PPP1R12B: variants seen among roughly 807,000 people sequenced by gnomAD.
PPP1R12B encodes the protein protein phosphatase 1 regulatory subunit 12B.
PPP1R12B carries 76 observed loss-of-function variants against 126.1 expected under a neutral mutation model. That is an observed-to-expected ratio of 0.60 (90% CI 0.50 to 0.73). The LOEUF is 0.73. PPP1R12B is among the 30% of genes least tolerant of loss of function. PPP1R12B has a pLI of 0.00. For synonymous variants in PPP1R12B, 356 were observed against 434.7 expected, an observed-to-expected ratio of 0.82 and a Z score of 2.25; for missense variants, 1,052 against 1,205.1, an observed-to-expected ratio of 0.87 and a Z score of 1.88.
At chr1:202,362,102 C>T (rs1163615653) in intron 1 of PPP1R12B, among the ~76,000 whole-genome samples, 1 of 151,158 alleles carries the variant, frequency 6.6e-6, no homozygotes, top group Non-Finnish European at 1.5e-5. Context: ...AACATTTTTG[C>T]CAGGTTTCTT....
At chr1:202,383,942 T>A (rs928204439) in intron 1 of PPP1R12B, among the ~76,000 whole-genome samples, 2 of 152,230 alleles carry the variant, frequency 1.3e-5, no homozygotes, top group African/African-American at 4.8e-5. Flanking sequence ...GCTTGTTTGC[T>A]TTTCTTTTGT....
chr1:202,522,853 A>T (rs1207012558), intron 18 of PPP1R12B, among the ~76,000 whole-genome samples: 1 of 152,222 alleles, frequency 6.6e-6, no homozygotes, highest in Admixed American at 6.5e-5. Flanking sequence ...ACAATCCATG[A>T]AGATGATATA....
At position 202,586,593 on chromosome 1, in the gene PPP1R12B, G is replaced by A. The variant is rs919428143; in HGVS notation, c.*6033G>A. On this transcript the variant is annotated 3_prime_UTR_variant, in exon 24 of 24. Transcript: ENST00000608999. Reference sequence around the variant, plus strand: ...AATAGATCAACTTCATTGTAGTCCAGGAACTGTTGGTCACAGCTACTAGGA... The same window carrying A: ...AATAGATCAACTTCATTGTAGTCCAAGAACTGTTGGTCACAGCTACTAGGA... 2 of 152,204 alleles carry A rather than the reference G, an allele frequency of 1.3e-5. No homozygotes were observed. The highest frequency in any genetic ancestry group is 2.9e-5 in the Non-Finnish European group (2 of 68,030). 9.4% of individuals were successfully genotyped at this position (152,204 alleles called of 1,614,324 possible).
At chr1:202,545,656 A>C (rs1484973368) in intron 18 of PPP1R12B, among the ~76,000 whole-genome samples, 1 of 152,238 alleles carries the variant, frequency 6.6e-6, no homozygotes, top group Non-Finnish European at 1.5e-5. Context: ...GGAGATAAAG[A>C]AAATCAAGAA....
intron 10 of PPP1R12B, chr1:202,439,343 C>A: frequency 1.4e-6 from 2 of 1,382,816 alleles, no homozygotes; most frequent in Non-Finnish European, 2.1e-6. Context: ...TGGAACCTTC[C>A]AACAAGACGA....
At chr1:202,382,310 T>TA (rs1662430842) in intron 1 of PPP1R12B, among the ~76,000 whole-genome samples, 1 of 149,472 alleles carries the variant, frequency 6.7e-6, no homozygotes, top group African/African-American at 2.5e-5. Context: ...CATTAGGAGA[T>TA]ATACCTAATG....
At chr1:202,375,825 A>G (rs79521671) in intron 1 of PPP1R12B, among the ~76,000 whole-genome samples, 17,605 of 152,270 alleles carry the variant, frequency 0.12, 1,256 homozygotes, top group Middle Eastern at 0.17. Context: ...AAATGCTGGC[A>G]TGAGCCATGG....
At chr1:202,410,391 A>G (rs997814106) in intron 1 of PPP1R12B, among the ~76,000 whole-genome samples, 1 of 152,260 alleles carries the variant, frequency 6.6e-6, no homozygotes, top group African/African-American at 2.4e-5. Context: ...ACATATGCCC[A>G]GACACCTGGA....
At chr1:202,483,720 C>T (rs1486811777) in intron 13 of PPP1R12B, among the ~76,000 whole-genome samples, 1 of 152,212 alleles carries the variant, frequency 6.6e-6, no homozygotes, top group Non-Finnish European at 1.5e-5. Flanking sequence ...CTACATTTAA[C>T]ACCTACTGTT....
Position 202,439,642 on chromosome 1 carries a change from T to C in PPP1R12B, c.1459-1064T>C, listed in dbSNP as rs201762850. ...TGCTCCATAACTCCCCCAGGCTCCC[T>C]GTCCACTGCCCTTCCTGGTCCGGCC... is the stretch of plus-strand genomic sequence containing the variant. On this transcript the variant is annotated intron_variant, in intron 10 of 23. Transcript: ENST00000608999. 6.1e-4 allele frequency: 474 copies of C among 778,792 alleles called. 3 individuals are homozygous for C. In the East Asian group the frequency reaches 8.2e-3, roughly 13 times the overall value. 48.2% of individuals were successfully genotyped at this position (778,792 alleles called of 1,614,324 possible).
chr1:202,577,618 G>A (rs1689209051), intron 23 of PPP1R12B, among the ~76,000 whole-genome samples: 1 of 150,634 alleles, frequency 6.6e-6, no homozygotes, highest in Non-Finnish European at 1.5e-5. Flanking sequence ...ATCTCAGCAT[G>A]TAGAGCAAAC....
At position 202,564,447 on chromosome 1, in the gene PPP1R12B, A is replaced by G. The variant is rs765429736; in HGVS notation, c.2657A>G (p.Tyr886Cys). ...EDSNRDYKKL[Y>C]ESALTENQKL... ...TCTTTTTTCCCTCTCCTCTAGCTCTATGAGAGTGCTCTGACTGAAAACCAA... is the reference window on the plus strand; with the variant it reads ...TCTTTTTTCCCTCTCCTCTAGCTCTGTGAGAGTGCTCTGACTGAAAACCAA... The change falls in exon 21 of 24, where the codon TAT (tyrosine) becomes TGT (cysteine). Residue 886 changes from tyrosine to cysteine, a missense_variant. Coordinates refer to ENST00000608999, the MANE Select transcript of PPP1R12B (RefSeq NM_002481.4). 10 of 1,606,222 alleles carry G rather than the reference A, an allele frequency of 6.2e-6. No individual in the cohort carries two copies. The highest frequency in any genetic ancestry group is 5.5e-5 in the South Asian group (5 of 90,870).
chr1:202,439,531 G>T (rs1039037377), intron 10 of PPP1R12B: 1 of 1,528,378 alleles, frequency 6.5e-7, no homozygotes, highest in Non-Finnish European at 8.9e-7. Flanking sequence ...GCCTTGGGGG[G>T]TGTGGCGCTC....
At chr1:202,460,520 G>C (rs1674178244) in intron 13 of PPP1R12B, among the ~76,000 whole-genome samples, 1 of 150,966 alleles carries the variant, frequency 6.6e-6, no homozygotes, top group South Asian at 2.2e-4. Context: ...ACTGGCAGTT[G>C]TCAATTCAAA....
intron 13 of PPP1R12B, among the ~76,000 whole-genome samples, chr1:202,450,038 A>G (rs1271372955): frequency 6.6e-6 from 1 of 152,200 alleles, no homozygotes; most frequent in Admixed American, 6.5e-5. Context: ...GATAGAGACA[A>G]TTGTTAGGCA....
At chr1:202,569,463 A>C (rs557034601) in intron 23 of PPP1R12B, among the ~76,000 whole-genome samples, 1 of 152,170 alleles carries the variant, frequency 6.6e-6, no homozygotes, top group Non-Finnish European at 1.5e-5. Context: ...GGCTTGAAAC[A>C]AACTTGAGTT....
At chr1:202,439,465 C>G in intron 10 of PPP1R12B, 3 of 1,452,822 alleles carry the variant, frequency 2.1e-6, no homozygotes, top group Non-Finnish European at 2.9e-6. Context: ...GCCAAGTGCC[C>G]CGGCAAGGGT....
At chr1:202,545,093 C>T (rs1381479532) in intron 18 of PPP1R12B, among the ~76,000 whole-genome samples, 1 of 152,248 alleles carries the variant, frequency 6.6e-6, no homozygotes, top group African/African-American at 2.4e-5. Context: ...CATTTTTACT[C>T]CACTTTATAA....
At position 202,348,964 on chromosome 1, in the gene PPP1R12B, G is replaced by A. The variant is rs540588690; in HGVS notation, c.113G>A (p.Arg38Gln). 6.9e-6 allele frequency: 11 copies of A among 1,602,130 alleles called. No individual in the cohort carries two copies. The African/African-American group carries it at 1.1e-4, about 16-fold the overall frequency. Residue 38 changes from arginine (R) to glutamine (Q), a missense_variant, in exon 1 of 24, where the codon CGA (arginine) becomes CAA (glutamine). Coordinates refer to ENST00000608999, the MANE Select transcript of PPP1R12B (RefSeq NM_002481.4). ...CTGACAGAGCAGGAGCCTGCGGAGC[G>A]ACGAGGCGCGGGGCGGCAGCCGCTG... The part of the protein sequence containing the change: ...GSLTEQEPAE[R>Q]RGAGRQPLTR...
Sources: gnomAD v4.1 joint callset for allele counts (sites outside exome capture counted in the v4.1 genomes callset) on GRCh38, gnomAD v4.1.1 for gene constraint, MANE v1.5 for transcripts, NCBI Gene and HGNC (gene_info 2026-07-23, HGNC 2026-07-21) for gene names.